The following HTR2A variants were observed in gnomAD, a reference collection of about 807,000 sequenced individuals.
HTR2A encodes the protein 5-HT2 receptor.
Under a neutral mutation model 31.0 loss-of-function variants are expected in HTR2A, and 14 were observed. The observed-to-expected ratio is 0.45, with a 90% CI of 0.30 to 0.71. HTR2A has a LOEUF of 0.71. Ranked by LOEUF, HTR2A falls within the 30% of genes least tolerant of loss-of-function variation. The pLI, the probability that HTR2A is intolerant of heterozygous loss-of-function variation, is 0.09. For synonymous variants in HTR2A, 209 were observed against 225.2 expected (o/e 0.93, Z 0.64); for missense variants, 442 against 573.3 (o/e 0.77, Z 2.34).
At chr13:46,885,729 A>G (rs998285432) in intron 3 of HTR2A, among the ~76,000 whole-genome samples, 2 of 152,230 alleles carry the variant, frequency 1.3e-5, no homozygotes, top group Non-Finnish European at 1.5e-5. Context: ...GTGGTGCCAT[A>G]TTCAGGGCAG....
rs73475747 is a variant in HTR2A, at chr13:46,875,306, T to C, written c.613+17084A>G. On this transcript the variant is annotated intron_variant, in intron 3 of 3. Transcript: ENST00000542664. The stretch of plus-strand genomic sequence containing the variant: ...TACCCCCACATAAAATAGGGAATGG[T>C]AGGAGAAAAATCAATTCCCATTTTT... Among the ~76,000 whole-genome samples the C allele has an allele frequency of 8.1e-3, 1,236 of 152,310 alleles. 15 individuals are homozygous for C. The highest frequency in any genetic ancestry group is 0.029 in the African/African-American group (1,188 of 41,566).
intron 3 of HTR2A, among the ~76,000 whole-genome samples, chr13:46,859,391 T>A (rs750798687): frequency 2.0e-5 from 3 of 152,216 alleles, no homozygotes; most frequent in Non-Finnish European, 2.9e-5. Flanking sequence ...AGTATATTTT[T>A]ATTTACATAT....
intron 3 of HTR2A, among the ~76,000 whole-genome samples, chr13:46,876,705 C>T (rs952333174): frequency 6.6e-6 from 1 of 152,042 alleles, no homozygotes; most frequent in Non-Finnish European, 1.5e-5. Flanking sequence ...CGTGAGCCAC[C>T]GTGCCTGTCC....
chr13:46,888,361 C>T (rs1566319778), intron 3 of HTR2A, among the ~76,000 whole-genome samples: 3 of 151,658 alleles, frequency 2.0e-5, no homozygotes, highest in Non-Finnish European at 4.4e-5. Context: ...AGCAGCAGGG[C>T]GTGGCACAAG....
At position 46,896,925 on chromosome 13, in the gene HTR2A, C is replaced by T. The variant is rs1372142531; in HGVS notation, c.-580G>A. 2 of 1,024,434 alleles carry T rather than the reference C, an allele frequency of 2.0e-6. No individual in the cohort carries two copies. Among genetic ancestry groups the T allele is most frequent in the Non-Finnish European group, 2.8e-6 (2 of 701,856 alleles). 63.5% of individuals were successfully genotyped at this position (1,024,434 alleles called of 1,614,324 possible). ...GTTCCTCCCTCCCTGTGCGGCTCGCCTCAGCAGGCACACATTTAGAAATCA... is the reference window on the plus strand; with the variant it reads ...GTTCCTCCCTCCCTGTGCGGCTCGCTTCAGCAGGCACACATTTAGAAATCA... On this transcript the variant is annotated 5_prime_UTR_variant, in exon 1 of 4. Transcript: ENST00000542664.
intron 3 of HTR2A, among the ~76,000 whole-genome samples, chr13:46,867,324 G>C (rs1429394184): frequency 6.6e-6 from 1 of 152,132 alleles, no homozygotes; most frequent in Non-Finnish European, 1.5e-5. Flanking sequence ...ACATTTAAAG[G>C]CTGACGCTGA....
At chr13:46,856,594 T>TA (rs34758371) in intron 3 of HTR2A, among the ~76,000 whole-genome samples, 10,501 of 145,834 alleles carry the variant, frequency 0.072, 970 homozygotes, top group African/African-American at 0.22. Flanking sequence ...CTCTCTTAGT[T>TA]AAAAAAAAAA....
intron 3 of HTR2A, among the ~76,000 whole-genome samples, chr13:46,887,792 A>G (rs4942585): frequency 1 from 151,818 of 152,254 alleles, 75,692 homozygotes; most frequent in Middle Eastern, 1. Flanking sequence ...CAAGAAATAA[A>G]AGGAGAAAAA....
chr13:46,887,961 G>T (rs1951021156), intron 3 of HTR2A, among the ~76,000 whole-genome samples: 1 of 152,080 alleles, frequency 6.6e-6, no homozygotes, highest in African/African-American at 2.4e-5. Flanking sequence ...ACTAATGGAT[G>T]CTGGGCTTAA....
chr13:46,894,076 G>T (rs1951078420), intron 2 of HTR2A, among the ~76,000 whole-genome samples: 1 of 152,236 alleles, frequency 6.6e-6, no homozygotes. Context: ...GCCAGGAGGC[G>T]GCCCAGGCCT....
chr13:46,855,093 A>G (rs9534495), intron 3 of HTR2A, among the ~76,000 whole-genome samples: 60,080 of 151,952 alleles, frequency 0.4, 13,167 homozygotes, highest in Non-Finnish European at 0.5. Context: ...AGGCCATGGA[A>G]CAGCCTCTCC....
intron 3 of HTR2A, chr13:46,856,151 A>G (rs1361196821): frequency 2.0e-5 from 3 of 152,224 alleles, no homozygotes; most frequent in Non-Finnish European, 4.4e-5. Flanking sequence ...CTTGCTGACA[A>G]TATGCTCTCC....
intron 3 of HTR2A, among the ~76,000 whole-genome samples, chr13:46,859,220 C>T (rs9316233): frequency 6.6e-6 from 1 of 151,870 alleles, no homozygotes. Flanking sequence ...TTTGCCCAAG[C>T]CTTCAAGATG....
chr13:46,892,689 G>T, intron 2 of HTR2A, 99 bp from the exon 3 acceptor site: 1 of 976,566 alleles, frequency 1.0e-6, no homozygotes. Flanking sequence ...ACAGGCACAG[G>T]TGGTGGCAAA....
intron 3 of HTR2A, among the ~76,000 whole-genome samples, chr13:46,836,008 C>A (rs1876441594): frequency 6.6e-6 from 1 of 151,904 alleles, no homozygotes. Flanking sequence ...CCACAATTAA[C>A]AACTGATGCT....
At chr13:46,865,113 C>T (rs1018967253) in intron 3 of HTR2A, among the ~76,000 whole-genome samples, 4 of 152,170 alleles carry the variant, frequency 2.6e-5, no homozygotes, top group African/African-American at 9.7e-5. Flanking sequence ...CACTGATTCT[C>T]CTTCCTCCGG....
intron 3 of HTR2A, among the ~76,000 whole-genome samples, chr13:46,840,077 A>G (rs570087167): frequency 6.6e-6 from 1 of 152,168 alleles, no homozygotes; most frequent in Non-Finnish European, 1.5e-5. Flanking sequence ...TCTTGTGAAA[A>G]AGATTGAAAT....
At chr13:46,856,618 A>G (rs1950740108) in intron 3 of HTR2A, among the ~76,000 whole-genome samples, 1 of 152,094 alleles carries the variant, frequency 6.6e-6, no homozygotes, top group African/African-American at 2.4e-5. Context: ...ACAAAAAAAC[A>G]CTAGGCTGAA....
At chr13:46,885,915 C>T (rs185991090) in intron 3 of HTR2A, among the ~76,000 whole-genome samples, 122 of 152,300 alleles carry the variant, frequency 8.0e-4, no homozygotes, top group African/African-American at 2.8e-3. Flanking sequence ...TGCTTATTCT[C>T]TCTGTTAGAT....
Sources: allele counts gnomAD v4.1 joint callset (sites outside exome capture counted in the v4.1 genomes callset), GRCh38; gene constraint gnomAD v4.1.1; transcripts MANE v1.5; gene names NCBI Gene and HGNC (gene_info 2026-07-23, HGNC 2026-07-21).